THAP6: variants seen among roughly 807,000 people sequenced by gnomAD.
THAP6 encodes THAP domain containing 6.
THAP6 carries 13 observed loss-of-function variants against 20.0 expected under a neutral mutation model. The observed-to-expected ratio is 0.65, with a 90% confidence interval of 0.42 to 1.03. THAP6 has a LOEUF of 1.03. Ranked by LOEUF, THAP6 falls within the 50% of genes least tolerant of loss-of-function variation. The pLI is 0.00. For missense variants in THAP6, 262 were observed against 261.6 expected (o/e 1.00, Z -0.01); for synonymous variants, 93 against 92.2 (o/e 1.01, Z -0.05).
intron 4 of THAP6, among the ~76,000 whole-genome samples, chr4:75,523,826 AGAAAT>A (rs1226915188): frequency 6.6e-6 from 1 of 151,536 alleles, no homozygotes; most frequent in African/African-American, 2.4e-5. Flanking sequence ...AAAAAAGAAA[AGAAAT>A]CTTAGCCCAG....
In THAP6 at chr4:75,527,057, A is replaced by C. The variant is rs1479393466; in HGVS notation, c.512A>C (p.Asn171Thr). 2.5e-6 allele frequency: 4 copies of C among 1,614,148 alleles called. No individual in the cohort carries two copies. The highest frequency in any genetic ancestry group is 3.4e-6 in the Non-Finnish European group (4 of 1,179,998). Residue 171 changes from asparagine (N) to threonine (T), a missense_variant, in exon 5 of 5, where the codon AAT becomes ACT. Coordinates refer to ENST00000311638, the MANE Select transcript of THAP6 (RefSeq NM_144721.6). ...ELEDTKESLR[N>T]VLDREKRFQK... ...GAGGATACAAAGGAAAGTCTACGGAATGTTTTAGACCGAGAAAAACGTTTT... is the reference window on the plus strand; with the variant it reads ...GAGGATACAAAGGAAAGTCTACGGACTGTTTTAGACCGAGAAAAACGTTTT...
chr4:75,516,844 C>A lies in THAP6; in HGVS notation c.153C>A (p.Gly51=). The A allele has an allele frequency of 6.2e-7, 1 of 1,613,944 alleles. No individual in the cohort carries two copies. ...AAAGACTTGATGTGAATGCAGCCGG[C>A]ATTTGGGAGCCTAAAAAAGGAGATG... is the stretch of plus-strand genomic sequence containing the variant. ...AMKRLDVNAA[G]IWEPKKGDVL... Residue 51 remains glycine, a synonymous_variant, in exon 3 of 5, where the codon GGC becomes GGA. Transcript: ENST00000311638.
At chr4:75,520,063 A>G (rs1725927040) in intron 3 of THAP6, among the ~76,000 whole-genome samples, 1 of 151,770 alleles carries the variant, frequency 6.6e-6, no homozygotes, top group African/African-American at 2.4e-5. Flanking sequence ...TTTGATTTGC[A>G]TTTCTCTGAT....
At chr4:75,520,085 G>A (rs1427813395) in intron 3 of THAP6, among the ~76,000 whole-genome samples, 2 of 152,048 alleles carry the variant, frequency 1.3e-5, no homozygotes, top group South Asian at 2.1e-4. Flanking sequence ...GCCAGTGATG[G>A]TGAGCATTTT....
intron 4 of THAP6, among the ~76,000 whole-genome samples, 156 bp from the exon 5 acceptor site, chr4:75,526,804 C>T (rs1726401196): frequency 6.6e-6 from 1 of 152,200 alleles, no homozygotes; most frequent in Non-Finnish European, 1.5e-5. Flanking sequence ...AATATTGCTT[C>T]TACCCCCATC....
intron 3 of THAP6, among the ~76,000 whole-genome samples, chr4:75,520,499 G>T (rs1725956000): frequency 6.6e-6 from 1 of 152,172 alleles, no homozygotes; most frequent in African/African-American, 2.4e-5. Context: ...CAATTATATA[G>T]ACGATTTTTT....
At chr4:75,514,061 A>G, upstream of THAP6, 1 of 1,384,788 alleles carries the variant, frequency 7.2e-7, no homozygotes, top group Non-Finnish European at 9.7e-7. Context: ...CTCAAGAAGA[A>G]CCCAGTTCCA....
upstream of THAP6, chr4:75,514,050 C>T: frequency 9.2e-6 from 12 of 1,298,506 alleles, no homozygotes; most frequent in Non-Finnish European, 1.2e-5. Flanking sequence ...AAAACGTTCT[C>T]CTCAAGAAGA....
At chr4:75,538,636 C>T (rs1726930717) in intron 2 of THAP6, among the ~76,000 whole-genome samples, 3 of 152,176 alleles carry the variant, frequency 2.0e-5, no homozygotes, top group Non-Finnish European at 4.4e-5. Context: ...TTGTTGACTA[C>T]CCTCTTCATA....
chr4:75,519,440 C>G (rs1725871841), intron 3 of THAP6, among the ~76,000 whole-genome samples: 1 of 151,532 alleles, frequency 6.6e-6, no homozygotes, highest in African/African-American at 2.4e-5. Flanking sequence ...AACTCATCAT[C>G]TAGCATTAGG....
chr4:75,532,173 A>T (rs1424276599), downstream of THAP6, among the ~76,000 whole-genome samples: 3 of 152,248 alleles, frequency 2.0e-5, no homozygotes, highest in African/African-American at 7.2e-5. Context: ...CTTCCTAGAT[A>T]CAATGAGGTA....
downstream of THAP6, among the ~76,000 whole-genome samples, chr4:75,533,239 G>C (rs920826067): frequency 3.9e-5 from 6 of 152,122 alleles, no homozygotes; most frequent in African/African-American, 1.4e-4. Context: ...GATCTCTAGG[G>C]CAGGGGCAAA....
downstream of THAP6, among the ~76,000 whole-genome samples, chr4:75,531,071 G>T (rs1349679735): frequency 3.3e-5 from 5 of 152,226 alleles, no homozygotes; most frequent in African/African-American, 9.6e-5. Flanking sequence ...AGGTTGCAAG[G>T]TTAGTTCTTG....
chr4:75,514,334 A>C, upstream of THAP6: 1 of 1,581,306 alleles, frequency 6.3e-7, no homozygotes, highest in Non-Finnish European at 8.6e-7. Context: ...CCAGGATAAA[A>C]ACCACGCCCA....
downstream of THAP6, among the ~76,000 whole-genome samples, chr4:75,530,544 A>G (rs1578276811): frequency 6.6e-6 from 1 of 152,210 alleles, no homozygotes; most frequent in African/African-American, 2.4e-5. Context: ...CCATTGGATT[A>G]ACATAATCCA....
rs756898771 is a variant in THAP6 at position 75,515,474 on chromosome 4, A to G, written c.22A>G (p.Ile8Val). 4.0e-5 allele frequency: 64 copies of G among 1,613,928 alleles called. No individual in the cohort carries two copies. The East Asian group carries it at 1.4e-3, about 36-fold the overall frequency. The change falls in exon 2 of 5, where the codon ATT becomes GTT. Residue 8 changes from isoleucine (I) to valine (V), a missense_variant. Coordinates refer to ENST00000311638, the MANE Select transcript of THAP6 (RefSeq NM_144721.6). MVKCCSA[I>V]GCASRCLPNS... ...TAAAATGGTGAAATGCTGCTCCGCC[A>G]TTGGATGTGCTTCTCGCTGCTTGCC...
downstream of THAP6, among the ~76,000 whole-genome samples, chr4:75,534,696 G>T (rs1726800291): frequency 1.3e-5 from 2 of 152,158 alleles, no homozygotes; most frequent in South Asian, 4.1e-4. Context: ...AATCTACAAA[G>T]AACTCAAATA....
At chr4:75,518,733 T>G (rs2148807764) in intron 3 of THAP6, among the ~76,000 whole-genome samples, 1 of 152,280 alleles carries the variant, frequency 6.6e-6, no homozygotes, top group Non-Finnish European at 1.5e-5. Flanking sequence ...CTTTCAAACT[T>G]TAGTCTACGT....
At position 75,527,149 on chromosome 4, in the gene THAP6, A is replaced by G. The variant is rs140891870; in HGVS notation, c.604A>G (p.Asn202Asp). ...ATGTCTGATCAGCCAAGAAACAGCA[A>G]ATAGACTGGACACTTTCTGTTGGGA... The part of the protein sequence containing the change: ...DECLISQETA[N>D]RLDTFCWDCC... The change falls in exon 5 of 5, where the codon AAT becomes GAT. Residue 202 changes from asparagine (N) to aspartate (D), a missense_variant. Asn to Asp is a conservative substitution (Grantham distance 23, BLOSUM62 1). Coordinates refer to ENST00000311638, the MANE Select transcript of THAP6 (RefSeq NM_144721.6). 74 of 1,614,174 alleles carry G rather than the reference A, an allele frequency of 4.6e-5. No homozygotes were observed. The East Asian group carries it at 1.5e-3, about 34-fold the overall frequency.
Sources: allele counts gnomAD v4.1 joint callset (sites outside exome capture counted in the v4.1 genomes callset), GRCh38; gene constraint gnomAD v4.1.1; transcripts MANE v1.5; gene names NCBI Gene and HGNC (gene_info 2026-07-23, HGNC 2026-07-21).